Variants in SYT9 observed in about 807,000 individuals in gnomAD.
SYT9 encodes synaptotagmin-9.
Under a neutral mutation model 48.4 loss-of-function variants are expected in SYT9, and 22 were observed. The ratio of observed to expected loss-of-function variants is 0.45; its 90% CI spans 0.32 to 0.65. The LOEUF is 0.65. Among genes scored for constraint, SYT9 ranks in the 30% least tolerant of loss-of-function variants. SYT9 has a pLI of 0.03. For missense variants in SYT9, 577 were observed against 622.0 expected, an observed-to-expected ratio of 0.93 and a Z score of 0.77; for synonymous variants, 265 against 245.0, an observed-to-expected ratio of 1.08 and a Z score of -0.76.
At chr11:7,370,389 T>G (rs1458190487) in intron 3 of SYT9, among the ~76,000 whole-genome samples, 2 of 152,066 alleles carry the variant, frequency 1.3e-5, no homozygotes, top group South Asian at 2.1e-4. Context: ...TACAACAGAG[T>G]ATGCAATGTA....
intron 1 of SYT9, among the ~76,000 whole-genome samples, chr11:7,245,947 TC>T (rs1398911023): frequency 2.0e-5 from 3 of 152,262 alleles, no homozygotes; most frequent in South Asian, 4.1e-4. Flanking sequence ...TCATAAGAAA[TC>T]CAGGCAATTT....
At chr11:7,428,987 T>C (rs1847516753) in intron 6 of SYT9, among the ~76,000 whole-genome samples, 1 of 152,106 alleles carries the variant, frequency 6.6e-6, no homozygotes, top group African/African-American at 2.4e-5. Context: ...ACAGCCAAAT[T>C]AATGGAGGGT....
intron 1 of SYT9, among the ~76,000 whole-genome samples, chr11:7,244,383 A>G (rs1274222411): frequency 3.3e-5 from 5 of 152,182 alleles, no homozygotes; most frequent in Admixed American, 3.3e-4. Context: ...CTCAATTCCA[A>G]ATTTGCTTTT....
chr11:7,406,548 AT>A (rs1350113491), intron 3 of SYT9, among the ~76,000 whole-genome samples: 1 of 147,078 alleles, frequency 6.8e-6, no homozygotes, highest in Non-Finnish European at 1.5e-5. Context: ...ATATATATAT[AT>A]ATATATATAT....
chr11:7,299,507 C>A (rs567270647), intron 1 of SYT9, among the ~76,000 whole-genome samples: 4 of 152,276 alleles, frequency 2.6e-5, no homozygotes, highest in African/African-American at 9.6e-5. Context: ...AAAAGCCACT[C>A]CTGCCATTTG....
chr11:7,310,195 G>A (rs549134076), intron 2 of SYT9, among the ~76,000 whole-genome samples: 9 of 152,180 alleles, frequency 5.9e-5, no homozygotes, highest in East Asian at 3.9e-4. Flanking sequence ...GTGTAGTGGC[G>A]TGATCTCCAC....
chr11:7,328,016 T>A (rs978595071), intron 3 of SYT9, among the ~76,000 whole-genome samples: 14 of 139,362 alleles, frequency 1.0e-4, no homozygotes, highest in Middle Eastern at 3.6e-3. Context: ...GGCACATGTA[T>A]ACATATGTAA....
chr11:7,358,093 T>C (rs945307146), intron 3 of SYT9, among the ~76,000 whole-genome samples: 6 of 152,008 alleles, frequency 3.9e-5, no homozygotes, highest in African/African-American at 1.5e-4. Context: ...ACAAAAAATA[T>C]ACATGTTAAG....
chr11:7,309,782 C>A (rs540062637), intron 2 of SYT9, among the ~76,000 whole-genome samples: 1 of 152,314 alleles, frequency 6.6e-6, no homozygotes, highest in East Asian at 1.9e-4. Context: ...AGCCCCCAGA[C>A]CTCCAGAGGT....
intron 1 of SYT9, among the ~76,000 whole-genome samples, chr11:7,302,400 G>A (rs75378387): frequency 0.01 from 1,526 of 152,100 alleles, 27 homozygotes; most frequent in African/African-American, 0.035. Context: ...TTTAATACTT[G>A]TTTTAGGGTA....
At chr11:7,386,902 T>C (rs1382645994) in intron 3 of SYT9, among the ~76,000 whole-genome samples, 1 of 152,178 alleles carries the variant, frequency 6.6e-6, no homozygotes, top group African/African-American at 2.4e-5. Flanking sequence ...CCAATCCACA[T>C]GTCCAACAAT....
At chr11:7,374,436 G>A (rs970881003) in intron 3 of SYT9, among the ~76,000 whole-genome samples, 3 of 152,180 alleles carry the variant, frequency 2.0e-5, no homozygotes, top group Non-Finnish European at 2.9e-5. Flanking sequence ...TATATACCCA[G>A]TAATGGGATT....
chr11:7,278,922 A>C (rs1384371904), intron 1 of SYT9, among the ~76,000 whole-genome samples: 1 of 152,226 alleles, frequency 6.6e-6, no homozygotes, highest in Non-Finnish European at 1.5e-5. Flanking sequence ...TATTTTCAGG[A>C]GTGCTGATAC....
At chr11:7,348,817 T>C (rs1407532036) in intron 3 of SYT9, among the ~76,000 whole-genome samples, 1 of 150,624 alleles carries the variant, frequency 6.6e-6, no homozygotes. Context: ...TATCCAGTCA[T>C]GGGCATCAGA....
At chr11:7,368,496 C>G (rs1850293141) in intron 3 of SYT9, among the ~76,000 whole-genome samples, 1 of 152,074 alleles carries the variant, frequency 6.6e-6, no homozygotes, top group Non-Finnish European at 1.5e-5. Flanking sequence ...AGGTATTTGT[C>G]CTAATGCTCT....
chr11:7,315,696 A>G (rs927853511), intron 3 of SYT9, among the ~76,000 whole-genome samples: 2 of 152,146 alleles, frequency 1.3e-5, no homozygotes, highest in East Asian at 3.8e-4. Context: ...CCTGGTGGGA[A>G]CGACTCCTAG....
intron 6 of SYT9, among the ~76,000 whole-genome samples, chr11:7,455,924 G>A (rs974647026): frequency 2.0e-5 from 3 of 152,156 alleles, no homozygotes; most frequent in African/African-American, 7.2e-5. Flanking sequence ...ATCCCAGCAG[G>A]TGCCCAAGAA....
intron 6 of SYT9, among the ~76,000 whole-genome samples, chr11:7,422,628 A>G (rs1847376177): frequency 6.6e-6 from 1 of 152,260 alleles, no homozygotes; most frequent in Non-Finnish European, 1.5e-5. Context: ...AATTAGGAGT[A>G]TCAGAGAGTG....
rs895969161 is a variant in SYT9 at position 7,461,901 on chromosome 11, C to A, written c.1468-4891C>A. ...CTTCTGAATGGTGCCTTCACTGTAGCCTTTGCTTCTTGATTGTTTCTAATG... is the reference window on the plus strand; with the variant it reads ...CTTCTGAATGGTGCCTTCACTGTAGACTTTGCTTCTTGATTGTTTCTAATG... On this transcript the variant is annotated intron_variant, in intron 6 of 6. Coordinates refer to ENST00000318881, the MANE Select transcript of SYT9 (RefSeq NM_175733.4). Among the ~76,000 whole-genome samples, 19 of 152,282 alleles carry A rather than the reference C, an allele frequency of 1.2e-4. No homozygotes were observed. In the Middle Eastern group the frequency reaches 0.014, roughly 109 times the overall value.
Sources: gnomAD v4.1 joint callset for allele counts (sites outside exome capture counted in the v4.1 genomes callset) on GRCh38, gnomAD v4.1.1 for gene constraint, MANE v1.5 for transcripts, NCBI Gene and HGNC (gene_info 2026-07-23, HGNC 2026-07-21) for gene names.